The following TCTN3 variants were observed in gnomAD, a reference collection of about 807,000 sequenced individuals.
TCTN3 encodes the protein tectonic family member 3, also known as tectonic-3.
In TCTN3, 57 loss-of-function variants were observed where a neutral mutation model predicts 71.3. That is an observed-to-expected ratio of 0.80 (90% CI 0.65 to 1.00). The LOEUF is 1.00. Among genes scored for constraint, TCTN3 ranks in the 50% least tolerant of loss-of-function variants. The pLI is 0.00. For synonymous variants in TCTN3, 258 were observed against 267.8 expected (o/e 0.96, Z 0.36); for missense variants, 696 against 719.9 (o/e 0.97, Z 0.38).
chr10:95,687,039 C>G lies in TCTN3; in HGVS notation c.852+5G>C. ...TGACAGTGTAGGGAGAGAAAGGACA[C>G]CTACCTTTAAGACTGTGAAGTTATA... On this transcript the variant is annotated splice_donor_5th_base_variant and intron_variant, in intron 6 of 13. Coordinates refer to ENST00000371217, the MANE Select transcript of TCTN3 (RefSeq NM_015631.6). 1 of 1,607,136 alleles carries G rather than the reference C, an allele frequency of 6.2e-7. No homozygotes were observed. Among genetic ancestry groups the G allele is most frequent in the African/African-American group, 1.3e-5 (1 of 74,814 alleles).
Position 95,683,571 on chromosome 10 carries a change from T to C in TCTN3, c.1154A>G (p.Tyr385Cys), listed in dbSNP as rs757526372. The stretch of plus-strand genomic sequence containing the variant: ...AGCCAAGAGTGGCTTCCCAACTATA[T>C]AGCCAGGATTCCCACTTCTAGGACT... ...LTSPRSGNPG[Y>C]IVGKPLLALT... The change falls in exon 10 of 14, where the codon TAT becomes TGT. Residue 385 changes from tyrosine (Y) to cysteine (C), a missense_variant. Tyr to Cys is a radical substitution (Grantham distance 194, BLOSUM62 -2). Transcript: ENST00000371217. 3.1e-6 allele frequency: 5 copies of C among 1,614,040 alleles called. No individual in the cohort carries two copies. The highest frequency in any genetic ancestry group is 1.3e-5 in the African/African-American group (1 of 74,906).
At chr10:95,684,027 T>C (rs932427733) in intron 9 of TCTN3, among the ~76,000 whole-genome samples, 1 of 152,212 alleles carries the variant, frequency 6.6e-6, no homozygotes, top group African/African-American at 2.4e-5. Context: ...ACACAGCAGT[T>C]GGTTGATCAC....
chr10:95,669,303 CA>C (rs2097928567), intron 13 of TCTN3, among the ~76,000 whole-genome samples: 1 of 152,132 alleles, frequency 6.6e-6, no homozygotes, highest in Middle Eastern at 3.2e-3. Flanking sequence ...TAAATGTTCC[CA>C]ACCACAAAGA....
At chr10:95,681,090 T>C (rs1241202305) in intron 12 of TCTN3, among the ~76,000 whole-genome samples, 3 of 150,956 alleles carry the variant, frequency 2.0e-5, no homozygotes, top group South Asian at 2.1e-4. Flanking sequence ...ATCTTTTTTT[T>C]TTTGAGATGG....
At chr10:95,686,850 G>A (rs2097948772) in intron 6 of TCTN3, among the ~76,000 whole-genome samples, 194 bp downstream of exon 6, 1 of 152,196 alleles carries the variant, frequency 6.6e-6, no homozygotes, top group Non-Finnish European at 1.5e-5. Flanking sequence ...GAAGGGTGAT[G>A]ATCTCTTATC....
rs1412684640 is a variant in TCTN3 at position 95,687,259 on chromosome 10, T to A, written c.724A>T (p.Ser242Cys). ...GVGAGGLCAE[S>C]NPAGFLESKS... ...GCTCTGGATTCACCTGCAGGATTGC[T>A]TTCAGCACAGAGTCCCCCAGCTCCA... Residue 242 changes from serine (S) to cysteine (C), a missense_variant, in exon 5 of 14, where the codon AGC becomes TGC. Coordinates refer to ENST00000371217, the MANE Select transcript of TCTN3 (RefSeq NM_015631.6). The A allele has an allele frequency of 6.2e-7, 1 of 1,613,986 alleles. No homozygotes were observed. The highest frequency in any genetic ancestry group is 8.5e-7 in the Non-Finnish European group (1 of 1,179,970).
Position 95,693,419 on chromosome 10 carries a change from C to T in TCTN3, c.314G>A (p.Cys105Tyr). The part of the protein sequence containing the change: ...TPGACDINCC[C>Y]DRDCYLLHPR... ...ATGGAGAAGATAGCAGTCCCTGTCGCAGCAGCAATTTATATCGCAGGCTCC... is the reference window on the plus strand; with the variant it reads ...ATGGAGAAGATAGCAGTCCCTGTCGTAGCAGCAATTTATATCGCAGGCTCC... The change falls in exon 2 of 14, where the codon TGC (cysteine) becomes TAC (tyrosine). Residue 105 changes from cysteine to tyrosine, a missense_variant. Physicochemically the swap from Cys to Tyr is radical, Grantham distance 194. Coordinates refer to ENST00000371217, the MANE Select transcript of TCTN3 (RefSeq NM_015631.6). 1 of 1,552,068 alleles carries T rather than the reference C, an allele frequency of 6.4e-7. No individual in the cohort carries two copies. Among genetic ancestry groups the T allele is most frequent in the African/African-American group, 1.4e-5 (1 of 73,184 alleles).
chr10:95,683,399 T>C (rs1402777657), intron 10 of TCTN3, 123 bp downstream of exon 10: 1 of 1,553,244 alleles, frequency 6.4e-7, no homozygotes, highest in Non-Finnish European at 8.7e-7. Context: ...TATATTAGTA[T>C]ATAAGTACCT....
intron 11 of TCTN3, 55 bp downstream of exon 11, chr10:95,683,046 A>T: frequency 6.7e-7 from 1 of 1,495,790 alleles, no homozygotes; most frequent in South Asian, 1.2e-5. Context: ...CCATATCAAC[A>T]TATTCCCTAC....
intron 3 of TCTN3, among the ~76,000 whole-genome samples, chr10:95,688,419 GAAAAAA>G (rs1469045662): frequency 3.8e-5 from 3 of 79,760 alleles, no homozygotes; most frequent in African/African-American, 9.3e-5. Flanking sequence ...AAAAAAAAAA[GAAAAAA>G]AAAGAAAATA....
Position 95,693,306 on chromosome 10 carries a change from G to A in TCTN3, c.380+47C>T, listed in dbSNP as rs1179748287. 7.7e-6 allele frequency: 12 copies of A among 1,549,854 alleles called. 1 individual carries two copies. The highest frequency in any genetic ancestry group is 2.0e-5 in the Admixed American group (1 of 50,590). Reference sequence around the variant, plus strand: ...TTCTTACATCCAAATGTTACCCGTTGTAGGCCCCAAACCCCTTTAGGATTC... The same window carrying A: ...TTCTTACATCCAAATGTTACCCGTTATAGGCCCCAAACCCCTTTAGGATTC... On this transcript the variant is annotated intron_variant, in intron 2 of 13. Coordinates refer to ENST00000371217, the MANE Select transcript of TCTN3 (RefSeq NM_015631.6).
intron 10 of TCTN3, 32 bp from the exon 11 acceptor site, chr10:95,683,227 A>T: frequency 6.3e-7 from 1 of 1,590,282 alleles, no homozygotes; most frequent in Non-Finnish European, 8.6e-7. Flanking sequence ...CAAGGACATC[A>T]TAACAGAAAA....
intron 13 of TCTN3, among the ~76,000 whole-genome samples, chr10:95,667,742 T>C (rs890840121): frequency 6.6e-6 from 1 of 152,182 alleles, no homozygotes; most frequent in African/African-American, 2.4e-5. Context: ...TTTACACCCA[T>C]ACCCTTCAGT....
intron 3 of TCTN3, among the ~76,000 whole-genome samples, chr10:95,688,192 C>T (rs1407333382): frequency 6.6e-6 from 1 of 151,824 alleles, no homozygotes; most frequent in Non-Finnish European, 1.5e-5. Context: ...AGTTCGAGAC[C>T]AGCCTGGCCA....
intron 13 of TCTN3, among the ~76,000 whole-genome samples, chr10:95,668,205 G>A (rs1182465470): frequency 2.0e-5 from 2 of 101,174 alleles, no homozygotes; most frequent in South Asian, 3.1e-4. Context: ...CGAGAGAAAA[G>A]AAAAATAGAG....
rs10654251 is a variant in TCTN3, at chr10:95,677,474, G to GTTTTTTTTTTTT, written c.1590+2997_1590+2998insAAAAAAAAAAAA. ...ATACAAGAAGATAGTGAAGTCTACA[G>GTTTTTTTTTTTT]TTTTTTTTGTTTTTTTTTTTTTTTT... On this transcript the variant is annotated intron_variant, in intron 13 of 13. Coordinates refer to ENST00000371217, the MANE Select transcript of TCTN3 (RefSeq NM_015631.6). Among the ~76,000 whole-genome samples, 766 of 80,402 alleles carry GTTTTTTTTTTTT rather than the reference G, an allele frequency of 9.5e-3. 104 individuals carry two copies. The highest frequency in any genetic ancestry group is 0.013 in the Non-Finnish European group (443 of 33,080). 52.7% of individuals were successfully genotyped at this position (80,402 alleles called of 152,430 possible). A position where few individuals can be genotyped will look rare whatever the true frequency, so the allele number is the denominator to read the frequency against.
chr10:95,683,431 C>T, intron 10 of TCTN3, 91 bp downstream of exon 10: 1 of 1,601,690 alleles, frequency 6.2e-7, no homozygotes, highest in African/African-American at 1.3e-5. Context: ...ACAAAAAATT[C>T]CTCACCTTTG....
intron 11 of TCTN3, 48 bp from the exon 12 acceptor site, chr10:95,682,852 T>C: frequency 6.3e-7 from 1 of 1,585,766 alleles, no homozygotes; most frequent in Non-Finnish European, 8.6e-7. Context: ...AACATAATAA[T>C]ATACCTATAT....
At chr10:95,682,418 CG>C (rs1477624208) in intron 12 of TCTN3, among the ~76,000 whole-genome samples, 1 of 151,292 alleles carries the variant, frequency 6.6e-6, no homozygotes, top group African/African-American at 2.4e-5. Flanking sequence ...CCCTTGAACC[CG>C]GGGGGTGGAG....
Sources: allele counts gnomAD v4.1 joint callset (sites outside exome capture counted in the v4.1 genomes callset), GRCh38; gene constraint gnomAD v4.1.1; transcripts MANE v1.5; gene names NCBI Gene and HGNC (gene_info 2026-07-23, HGNC 2026-07-21).